Variants in LRRFIP2 observed in about 807,000 individuals in gnomAD.
LRRFIP2 encodes LRR binding FLII interacting protein 2.
Under a neutral mutation model 125.9 loss-of-function variants are expected in LRRFIP2, and 109 were observed. The ratio of observed to expected loss-of-function variants is 0.87; its 90% CI spans 0.74 to 1.01. The LOEUF (loss-of-function observed/expected upper bound fraction) is 1.01, where lower values mean the gene tolerates loss of function less well. Ranked by LOEUF, LRRFIP2 falls within the 50% of genes least tolerant of loss-of-function variation. The probability of loss-of-function intolerance (pLI) is 0.00; values close to 1 mark genes in which losing one functional copy is unlikely to be tolerated. For missense variants in LRRFIP2, 850 were observed against 862.3 expected (o/e 0.99, Z 0.18); for synonymous variants, 291 against 293.1 (o/e 0.99, Z 0.07).
At chr3:37,100,370 A>G (rs141017206) in intron 15 of LRRFIP2, among the ~76,000 whole-genome samples, 2 of 149,940 alleles carry the variant, frequency 1.3e-5, no homozygotes, top group East Asian at 3.9e-4. Context: ...ACACATACAT[A>G]CATACATGTA....
chr3:37,053,871 C>G lies in LRRFIP2; in HGVS notation c.2146G>C (p.Ala716Pro). Residue 716 changes from alanine to proline, a missense_variant, in exon 28 of 28, where the codon GCA (alanine) becomes CCA (proline). Coordinates refer to ENST00000336686, the MANE Select transcript of LRRFIP2 (RefSeq NM_006309.4). ...RLEKMKANRT[A>P]LLAQQ ...TTTTCCTACTGCTGGGCCAGAAGTG[C>G]TGTCCTATTGGCCTTCATCTTCTCC... 6.2e-7 allele frequency: 1 copy of G among 1,613,808 alleles called. No individual in the cohort carries two copies. Among genetic ancestry groups the G allele is most frequent in the East Asian group, 2.2e-5 (1 of 44,884 alleles).
intron 7 of LRRFIP2, among the ~76,000 whole-genome samples, chr3:37,113,429 T>C (rs1486926172): frequency 6.6e-6 from 1 of 152,106 alleles, no homozygotes; most frequent in African/African-American, 2.4e-5. Context: ...CCTGAGTAGG[T>C]AGGACCACAG....
chr3:37,090,267 C>T (rs904099678), intron 18 of LRRFIP2, among the ~76,000 whole-genome samples: 3 of 152,094 alleles, frequency 2.0e-5, no homozygotes, highest in African/African-American at 7.2e-5. Flanking sequence ...CTCGCTCCGT[C>T]ACCCAGGCTG....
At chr3:37,157,860 G>T (rs749227051) in intron 1 of LRRFIP2, among the ~76,000 whole-genome samples, 6 of 152,198 alleles carry the variant, frequency 3.9e-5, no homozygotes, top group Non-Finnish European at 8.8e-5. Flanking sequence ...TACAAAGGAA[G>T]AGAACCTATA....
intron 25 of LRRFIP2, among the ~76,000 whole-genome samples, chr3:37,055,389 A>G (rs1259921605): frequency 6.6e-6 from 1 of 152,164 alleles, no homozygotes; most frequent in African/African-American, 2.4e-5. Flanking sequence ...AACATGGTGA[A>G]ACCCTGTCTC....
intron 26 of LRRFIP2, 125 bp downstream of exon 26, chr3:37,054,961 T>G (rs191386728): frequency 7.6e-6 from 5 of 654,286 alleles, no homozygotes; most frequent in Non-Finnish European, 1.1e-5. Context: ...TCTGCTGGCT[T>G]TTCTATTTTA....
At chr3:37,155,372 G>A (rs540664234) in intron 1 of LRRFIP2, among the ~76,000 whole-genome samples, 70 of 152,196 alleles carry the variant, frequency 4.6e-4, no homozygotes, top group Admixed American at 1.5e-3. Context: ...ATTTCCTCCA[G>A]CATGCACTGT....
At chr3:37,073,481 T>G (rs2091586754) in intron 20 of LRRFIP2, among the ~76,000 whole-genome samples, 1 of 152,318 alleles carries the variant, frequency 6.6e-6, no homozygotes, top group Non-Finnish European at 1.5e-5. Flanking sequence ...GGTTTTCTTC[T>G]TATGCATTAT....
At chr3:37,139,215 A>G (rs1473279695) in intron 2 of LRRFIP2, among the ~76,000 whole-genome samples, 2 of 152,248 alleles carry the variant, frequency 1.3e-5, no homozygotes, top group Admixed American at 6.5e-5. Context: ...GTCAAACATA[A>G]GTAACTGAAA....
chr3:37,062,931 G>A (rs1272722580), intron 24 of LRRFIP2, among the ~76,000 whole-genome samples: 1 of 152,166 alleles, frequency 6.6e-6, no homozygotes, highest in African/African-American at 2.4e-5. Flanking sequence ...AAAATCTCCA[G>A]ATGCCAATGA....
At chr3:37,063,644 G>A (rs2148737234) in intron 24 of LRRFIP2, 98 bp downstream of exon 24, 1 of 893,698 alleles carries the variant, frequency 1.1e-6, no homozygotes. Context: ...ACTGATGTTT[G>A]AAAGAAGCAT....
At chr3:37,112,712 T>C (rs2094596720) in intron 8 of LRRFIP2, among the ~76,000 whole-genome samples, 2 of 152,234 alleles carry the variant, frequency 1.3e-5, no homozygotes, top group Admixed American at 6.5e-5. Context: ...TGTGATATAG[T>C]ACTAACTCTG....
intron 1 of LRRFIP2, among the ~76,000 whole-genome samples, chr3:37,164,424 ATT>A (rs2096424100): frequency 1.3e-5 from 2 of 152,200 alleles, no homozygotes. Context: ...TTAAACAAAA[ATT>A]GGTTAATATG....
At chr3:37,127,928 A>AT (rs1250041462) in intron 3 of LRRFIP2, among the ~76,000 whole-genome samples, 1 of 152,090 alleles carries the variant, frequency 6.6e-6, no homozygotes, top group African/African-American at 2.4e-5. Flanking sequence ...TTATTTATTT[A>AT]TTTATTTTTT....
At chr3:37,063,659 T>TCA in intron 24 of LRRFIP2, 83 bp downstream of exon 24, 1 of 1,012,370 alleles carries the variant, frequency 9.9e-7, no homozygotes, top group Non-Finnish European at 1.6e-6. Flanking sequence ...AAGCATATTT[T>TCA]TTTAATGAAC....
intron 19 of LRRFIP2, among the ~76,000 whole-genome samples, chr3:37,081,997 A>C (rs115716065): frequency 0.013 from 2,018 of 152,306 alleles, 22 homozygotes; most frequent in Non-Finnish European, 0.02. Context: ...AAGTTGGTTA[A>C]AATAGCTAAT....
At chr3:37,104,519 T>C (rs575402541) in intron 14 of LRRFIP2, among the ~76,000 whole-genome samples, 12 of 152,236 alleles carry the variant, frequency 7.9e-5, no homozygotes, top group Non-Finnish European at 1.5e-4. Flanking sequence ...CCCTTCTCTA[T>C]GAAAACTCGG....
intron 15 of LRRFIP2, 49 bp downstream of exon 15, chr3:37,102,875 G>T (rs756641741): frequency 4.9e-6 from 6 of 1,218,460 alleles, no homozygotes; most frequent in Non-Finnish European, 4.6e-6. Flanking sequence ...TTAGCTGTTA[G>T]TCACAAGCCT....
chr3:37,134,864 T>A, intron 2 of LRRFIP2: 2 of 1,208,738 alleles, frequency 1.7e-6, no homozygotes, highest in East Asian at 4.8e-5. Flanking sequence ...AGGTTGCATG[T>A]ACAACAAGGA....
Sources: gnomAD v4.1 joint callset for allele counts (sites outside exome capture counted in the v4.1 genomes callset) on GRCh38, gnomAD v4.1.1 for gene constraint, MANE v1.5 for transcripts, NCBI Gene and HGNC (gene_info 2026-07-23, HGNC 2026-07-21) for gene names.